The following INPP4B variants were observed in gnomAD, a reference collection of about 807,000 sequenced individuals.
INPP4B encodes inositol polyphosphate 4-phosphatase type II.
Under a neutral mutation model 122.5 loss-of-function variants are expected in INPP4B, and 55 were observed. The observed-to-expected ratio is 0.45, with a 90% CI of 0.36 to 0.56. The LOEUF (loss-of-function observed/expected upper bound fraction) is 0.56. Ranked by LOEUF, INPP4B falls within the 20% of genes least tolerant of loss-of-function variation. INPP4B has a pLI of 0.00. For missense variants in INPP4B, 1,000 were observed against 1,097.7 expected (o/e 0.91, Z 1.26); for synonymous variants, 403 against 388.7 (o/e 1.04, Z -0.43).
At chr4:142,397,621 C>T (rs554046102) in intron 7 of INPP4B, among the ~76,000 whole-genome samples, 51 of 152,118 alleles carry the variant, frequency 3.4e-4, no homozygotes, top group African/African-American at 1.2e-3. Flanking sequence ...GGACGGATCA[C>T]GAGGTCAGGA....
intron 7 of INPP4B, among the ~76,000 whole-genome samples, chr4:142,338,322 G>A (rs1279383180): frequency 1.3e-5 from 2 of 152,212 alleles, no homozygotes; most frequent in South Asian, 2.1e-4. Context: ...TGCAAGCTCC[G>A]CCTCGTGGGT....
chr4:142,763,925 A>C (rs1401549933), intron 1 of INPP4B, among the ~76,000 whole-genome samples: 2 of 152,180 alleles, frequency 1.3e-5, no homozygotes, highest in Non-Finnish European at 2.9e-5. Flanking sequence ...TTCTATAGAA[A>C]ATTAATGATT....
intron 11 of INPP4B, among the ~76,000 whole-genome samples, chr4:142,248,336 C>CTTTTTTT (rs34309443): frequency 1.9e-5 from 2 of 106,384 alleles, no homozygotes; most frequent in Admixed American, 1.2e-4. Flanking sequence ...CTCTCTCTCT[C>CTTTTTTT]TTTTTTTTTT....
chr4:142,820,127 CTTAAT>C (rs1780620418), intron 1 of INPP4B, among the ~76,000 whole-genome samples: 1 of 152,066 alleles, frequency 6.6e-6, no homozygotes, highest in South Asian at 2.1e-4. Flanking sequence ...ATTATTTTGG[CTTAAT>C]TTAGATTGTA....
chr4:142,432,509 C>A (rs1291126385), intron 3 of INPP4B, among the ~76,000 whole-genome samples: 1 of 152,064 alleles, frequency 6.6e-6, no homozygotes, highest in Non-Finnish European at 1.5e-5. Flanking sequence ...AAGGCTATTG[C>A]ACCATCAATT....
At chr4:142,479,648 A>G (rs1388536760) in intron 2 of INPP4B, among the ~76,000 whole-genome samples, 1 of 152,170 alleles carries the variant, frequency 6.6e-6, no homozygotes, top group African/African-American at 2.4e-5. Flanking sequence ...GAATGAGATC[A>G]TGTCCTAAGC....
At chr4:142,839,364 A>T (rs1013427025) in intron 1 of INPP4B, among the ~76,000 whole-genome samples, 1 of 152,142 alleles carries the variant, frequency 6.6e-6, no homozygotes, top group African/African-American at 2.4e-5. Flanking sequence ...AGGCTGAGGC[A>T]GGAGAATCAC....
At chr4:142,561,641 GA>G (rs1560802440) in intron 2 of INPP4B, among the ~76,000 whole-genome samples, 1 of 151,922 alleles carries the variant, frequency 6.6e-6, no homozygotes, top group East Asian at 1.9e-4. Context: ...GGCTGGTCTC[GA>G]ACTCCTGAAC....
At chr4:142,829,837 G>GA (rs199506841) in intron 1 of INPP4B, among the ~76,000 whole-genome samples, 3 of 152,058 alleles carry the variant, frequency 2.0e-5, no homozygotes, top group East Asian at 3.9e-4. Flanking sequence ...CAAAGTTACA[G>GA]AAAAAAACTA....
chr4:142,802,733 A>T (rs757178943), intron 1 of INPP4B, among the ~76,000 whole-genome samples: 2 of 151,754 alleles, frequency 1.3e-5, no homozygotes, highest in African/African-American at 2.4e-5. Context: ...AGAAACTCCA[A>T]TTTTTAACCT....
At chr4:142,592,881 G>A (rs13125362) in intron 2 of INPP4B, among the ~76,000 whole-genome samples, 91,071 of 151,806 alleles carry the variant, frequency 0.6, 28,726 homozygotes, top group East Asian at 0.79. Flanking sequence ...TAGGAGGATC[G>A]CTTGAGGTCA....
Position 142,586,030 on chromosome 4 carries a change from C to T in INPP4B, c.-190-123304G>A, listed in dbSNP as rs549934261. Among the ~76,000 whole-genome samples the T allele has an allele frequency of 5.9e-5, 9 of 152,038 alleles. No individual in the cohort carries two copies. The East Asian group carries it at 1.7e-3, about 29-fold the overall frequency. On this transcript the variant is annotated intron_variant, in intron 2 of 25. Coordinates refer to ENST00000262992, the MANE Select transcript of INPP4B (RefSeq NM_001101669.3). ...TTTTCTACAGAATCCTTAAATTGGG[C>T]CGGGAGTGGTGGCTCATGCCTGTAA...
At chr4:142,156,117 A>G (rs896059941) in intron 17 of INPP4B, among the ~76,000 whole-genome samples, 3 of 151,808 alleles carry the variant, frequency 2.0e-5, no homozygotes, top group Non-Finnish European at 2.9e-5. Flanking sequence ...TGATGCAGAA[A>G]TGTAGATCAA....
intron 2 of INPP4B, among the ~76,000 whole-genome samples, chr4:142,464,655 G>A (rs1447100727): frequency 2.6e-5 from 4 of 151,584 alleles, no homozygotes; most frequent in Non-Finnish European, 5.9e-5. Context: ...TCATGAAACT[G>A]ATCACTTAGT....
rs1406144772 is a variant in INPP4B, at chr4:142,024,012, T to C, written c.*4770A>G. 1 of 152,118 alleles carries C rather than the reference T, an allele frequency of 6.6e-6. No individual in the cohort carries two copies. The highest frequency in any genetic ancestry group is 1.5e-5 in the Non-Finnish European group (1 of 68,006). 9.4% of individuals were successfully genotyped at this position (152,118 alleles called of 1,614,324 possible). On this transcript the variant is annotated 3_prime_UTR_variant, in exon 26 of 26. Coordinates refer to ENST00000262992, the MANE Select transcript of INPP4B (RefSeq NM_001101669.3). ...CTTGTTATTAATAGCAAGACATATGTTCCTTTTAGAAATGTTTGATTCTCT... is the reference window on the plus strand; with the variant it reads ...CTTGTTATTAATAGCAAGACATATGCTCCTTTTAGAAATGTTTGATTCTCT...
At chr4:142,544,753 G>A (rs561933562) in intron 2 of INPP4B, among the ~76,000 whole-genome samples, 18 of 152,164 alleles carry the variant, frequency 1.2e-4, no homozygotes, top group South Asian at 1.0e-3. Flanking sequence ...TTGAGACTGC[G>A]CCTGCCAGAG....
intron 1 of INPP4B, among the ~76,000 whole-genome samples, chr4:142,843,635 A>G (rs1783830948): frequency 6.6e-6 from 1 of 152,076 alleles, no homozygotes; most frequent in African/African-American, 2.4e-5. Flanking sequence ...ACTCAGTATG[A>G]AATAAGAAAA....
intron 17 of INPP4B, among the ~76,000 whole-genome samples, chr4:142,158,120 G>A (rs1242435687): frequency 6.6e-6 from 1 of 151,990 alleles, no homozygotes; most frequent in African/African-American, 2.4e-5. Context: ...AACAAAACAT[G>A]TAAATAACTA....
At chr4:142,403,303 T>A (rs2149164975) in intron 6 of INPP4B, among the ~76,000 whole-genome samples, 1 of 152,370 alleles carries the variant, frequency 6.6e-6, no homozygotes, top group South Asian at 2.1e-4. Flanking sequence ...TGAAAAAGTT[T>A]ATTTTTATTA....
Sources: allele counts gnomAD v4.1 joint callset (sites outside exome capture counted in the v4.1 genomes callset), GRCh38; gene constraint gnomAD v4.1.1; transcripts MANE v1.5; gene names NCBI Gene and HGNC (gene_info 2026-07-23, HGNC 2026-07-21).